The following PBRM1 variants were observed in gnomAD, a reference collection of about 807,000 sequenced individuals.
The protein encoded by PBRM1 is protein polybromo-1.
Under a neutral mutation model 194.5 loss-of-function variants are expected in PBRM1, and 27 were observed. The ratio of observed to expected loss-of-function variants is 0.14; its 90% CI spans 0.10 to 0.19. The LOEUF (loss-of-function observed/expected upper bound fraction) is 0.19. Among genes scored for constraint, PBRM1 ranks in the 10% least tolerant of loss-of-function variants. The probability of loss-of-function intolerance (pLI) is 1.00; values close to 1 mark genes in which losing one functional copy is unlikely to be tolerated. For missense variants in PBRM1, 1,466 were observed against 2,077.2 expected, an observed-to-expected ratio of 0.71 and a Z score of 5.72; for synonymous variants, 655 against 693.2, an observed-to-expected ratio of 0.94 and a Z score of 0.87.
chr3:52,683,366 C>T (rs1199012064), upstream of PBRM1, among the ~76,000 whole-genome samples: 1 of 147,332 alleles, frequency 6.8e-6, no homozygotes, highest in Admixed American at 6.7e-5. Flanking sequence ...AGAGCGAGAC[C>T]GTCTCAAGAA....
chr3:52,614,878 AC>A (rs1353100791), intron 15 of PBRM1, among the ~76,000 whole-genome samples: 2 of 152,120 alleles, frequency 1.3e-5, no homozygotes, highest in African/African-American at 4.8e-5. Context: ...GCCTTCACTT[AC>A]AACTTTTAAT....
At chr3:52,613,624 G>A (rs777636424) in intron 15 of PBRM1, among the ~76,000 whole-genome samples, 4 of 152,008 alleles carry the variant, frequency 2.6e-5, no homozygotes, top group Admixed American at 6.6e-5. Context: ...AATTACAGGA[G>A]CGAGTCACCA....
chr3:52,592,443 T>C (rs1418331425), intron 17 of PBRM1, among the ~76,000 whole-genome samples: 1 of 152,216 alleles, frequency 6.6e-6, no homozygotes, highest in African/African-American at 2.4e-5. Context: ...TCTTTAGTTC[T>C]TTTTTATGTG....
intron 22 of PBRM1, among the ~76,000 whole-genome samples, chr3:52,575,226 C>CCAAACAAACAAACAAA (rs71084192): frequency 9.9e-5 from 15 of 150,954 alleles, no homozygotes; most frequent in Non-Finnish European, 1.8e-4. Context: ...TTAAAACAAA[C>CCAAACAAACAAACAAA]CAAACAAACA....
rs1201555616 is a variant in PBRM1, at chr3:52,677,449, G to A, written c.236+1051C>T. On this transcript the variant is annotated intron_variant, in intron 2 of 29. Coordinates refer to ENST00000296302, the Ensembl canonical transcript of PBRM1. ...TTTTTTGAGATGGAGTTTCACTCTT[G>A]TCACCAAGGCTGGAGTGCAACGGTA... Among the ~76,000 whole-genome samples, 4 of 118,706 alleles carry A rather than the reference G, an allele frequency of 3.4e-5. No individual in the cohort carries two copies. The Admixed American group carries it at 3.8e-4, about 11-fold the overall frequency. The allele number at this position is 118,706 out of a possible 152,430, so 77.9% of individuals were successfully genotyped here. A position where few individuals can be genotyped will look rare whatever the true frequency, so the allele number is the denominator to read the frequency against.
chr3:52,590,962 T>C (rs1479081025), intron 17 of PBRM1, among the ~76,000 whole-genome samples: 1 of 152,250 alleles, frequency 6.6e-6, no homozygotes, highest in Non-Finnish European at 1.5e-5. Context: ...ATTCTCATTG[T>C]AGGGATCTTT....
chr3:52,678,452 A>C (rs1325362522), intron 2 of PBRM1, 48 bp downstream of exon 3: 1 of 1,210,536 alleles, frequency 8.3e-7, no homozygotes, highest in African/African-American at 1.5e-5. Context: ...ATACACATGG[A>C]CTCTGGACCA....
At chr3:52,580,587 C>T (rs1020323216) in intron 20 of PBRM1, among the ~76,000 whole-genome samples, 1 of 152,074 alleles carries the variant, frequency 6.6e-6, no homozygotes, top group Non-Finnish European at 1.5e-5. Flanking sequence ...TGGTCTTGAT[C>T]TCCTGACTTC....
At position 52,662,292 on chromosome 3, in the gene PBRM1, G is replaced by GA; in HGVS notation, c.385-17dup. On this transcript the variant is annotated splice_polypyrimidine_tract_variant and intron_variant, in intron 3 of 29. Transcript: ENST00000296302. Reference sequence around the variant, plus strand: ...GAGAATCTGGCTGTATGTTAGCAAAGAGAAAAAAAAAAACACTTTAGTAAT... The same window carrying GA: ...GAGAATCTGGCTGTATGTTAGCAAAGAAGAAAAAAAAAAACACTTTAGTAAT... 16 of 1,530,608 alleles carry GA rather than the reference G, an allele frequency of 1.0e-5. No homozygotes were observed. The highest frequency in any genetic ancestry group is 5.1e-5 in the South Asian group (4 of 78,982). The allele number at this position is 1,530,608 out of a possible 1,614,324, so 94.8% of individuals were successfully genotyped here.
intron 10 of PBRM1, among the ~76,000 whole-genome samples, chr3:52,636,757 CAAAA>C (rs567776784): frequency 0.019 from 358 of 18,552 alleles, 3 homozygotes; most frequent in Admixed American, 0.076. Context: ...ACTCTGTCTC[CAAAA>C]AAAAAAAAAA....
At chr3:52,684,233 TGAAGAGGAAAGA>T (rs2097269803), upstream of PBRM1, among the ~76,000 whole-genome samples, 3 of 147,644 alleles carry the variant, frequency 2.0e-5, no homozygotes, top group Admixed American at 6.7e-5. Flanking sequence ...TGTCTTTCCA[TGAAGAGGAAAGA>T]CAGATTCCAG....
chr3:52,586,747 T>G, intron 19 of PBRM1, 59 bp from the exon 22 acceptor site: 1 of 145,086 alleles, frequency 6.9e-6, no homozygotes, highest in Non-Finnish European at 1.1e-5. Context: ...TGAAAATCAA[T>G]CAAAAAAAAA....
intron 7 of PBRM1, among the ~76,000 whole-genome samples, chr3:52,647,240 T>C (rs2096321812): frequency 6.6e-6 from 1 of 151,374 alleles, no homozygotes; most frequent in Non-Finnish European, 1.5e-5. Flanking sequence ...AGGATATCCA[T>C]AATAAGAACA....
At chr3:52,566,070 A>G (rs1320105805) in intron 22 of PBRM1, among the ~76,000 whole-genome samples, 1 of 151,422 alleles carries the variant, frequency 6.6e-6, no homozygotes, top group African/African-American at 2.4e-5. Context: ...AAAACAAAAC[A>G]AAAAAAACAC....
intron 17 of PBRM1, among the ~76,000 whole-genome samples, chr3:52,591,289 T>C (rs192513815): frequency 2.0e-5 from 3 of 152,264 alleles, no homozygotes; most frequent in Non-Finnish European, 2.9e-5. Context: ...CTTCCAGTAC[T>C]ATGTTGAATA....
intron 17 of PBRM1, among the ~76,000 whole-genome samples, chr3:52,601,482 G>C (rs2093988313): frequency 6.6e-6 from 1 of 152,098 alleles, no homozygotes; most frequent in African/African-American, 2.4e-5. Flanking sequence ...GCTCCTATGA[G>C]AATCTAATGC....
chr3:52,591,077 A>C (rs768504722), intron 17 of PBRM1, among the ~76,000 whole-genome samples: 1 of 152,192 alleles, frequency 6.6e-6, no homozygotes, highest in Non-Finnish European at 1.5e-5. Context: ...CTATTGGTGT[A>C]TAAGAATGAT....
chr3:52,675,793 A>G (rs1561093807), intron 2 of PBRM1, among the ~76,000 whole-genome samples: 1 of 152,208 alleles, frequency 6.6e-6, no homozygotes, highest in Non-Finnish European at 1.5e-5. Context: ...AACAAACGAT[A>G]CCGGGAAAAC....
chr3:52,619,757 A>G (rs1022348599), intron 13 of PBRM1, among the ~76,000 whole-genome samples: 1 of 152,256 alleles, frequency 6.6e-6, no homozygotes, highest in Non-Finnish European at 1.5e-5. Context: ...ACACTTTTTT[A>G]AAACACAGAA....
Sources: gnomAD v4.1 joint callset for allele counts (sites outside exome capture counted in the v4.1 genomes callset) on GRCh38, gnomAD v4.1.1 for gene constraint, MANE v1.5 for transcripts, NCBI Gene and HGNC (gene_info 2026-07-23, HGNC 2026-07-21) for gene names.